The following MMS22L variants were observed in gnomAD, a reference collection of about 807,000 sequenced individuals.
MMS22L encodes the protein MMS22 like, DNA repair protein.
MMS22L carries 74 observed loss-of-function variants against 159.1 expected under a neutral mutation model. The observed-to-expected ratio is 0.47, with a 90% CI of 0.39 to 0.56. The LOEUF is 0.56. Ranked by LOEUF, MMS22L falls within the 20% of genes least tolerant of loss-of-function variation. The pLI, the probability that MMS22L is intolerant of heterozygous loss-of-function variation, is 0.00. For synonymous variants in MMS22L, 517 were observed against 506.9 expected (o/e 1.02, Z -0.27); for missense variants, 1,351 against 1,422.1 (o/e 0.95, Z 0.80).
intron 14 of MMS22L, among the ~76,000 whole-genome samples, chr6:97,200,047 ACT>A (rs1439815190): frequency 1.3e-5 from 2 of 151,784 alleles, no homozygotes; most frequent in Non-Finnish European, 2.9e-5. Flanking sequence ...TGATCTCCTC[ACT>A]CTGTGCCTCT....
chr6:97,216,607 C>T (rs1037126419), intron 14 of MMS22L, among the ~76,000 whole-genome samples: 4 of 152,124 alleles, frequency 2.6e-5, no homozygotes, highest in African/African-American at 4.8e-5. Context: ...TGGGATTTAC[C>T]AGTCTTCAAT....
intron 10 of MMS22L, among the ~76,000 whole-genome samples, chr6:97,247,035 T>TA (rs1262021648): frequency 4.0e-5 from 6 of 151,288 alleles, no homozygotes; most frequent in Non-Finnish European, 8.8e-5. Context: ...GTTTGTTTTT[T>TA]TTTTTATGCT....
chr6:97,214,440 A>C (rs1808748764), intron 14 of MMS22L, among the ~76,000 whole-genome samples: 1 of 152,208 alleles, frequency 6.6e-6, no homozygotes, highest in South Asian at 2.1e-4. Context: ...ACAGCATTTA[A>C]TCTTATTTTT....
intron 6 of MMS22L, chr6:97,270,220 TGGGGC>T (rs1815580256): frequency 3.3e-6 from 2 of 608,064 alleles, no homozygotes; most frequent in Non-Finnish European, 6.0e-6. Flanking sequence ...AAACCCACCT[TGGGGC>T]TGCTGAATAG....
At chr6:97,220,422 T>C (rs375586676) in intron 14 of MMS22L, among the ~76,000 whole-genome samples, 1 of 152,152 alleles carries the variant, frequency 6.6e-6, no homozygotes, top group African/African-American at 2.4e-5. Flanking sequence ...AAAACAACTA[T>C]GAATATACTA....
intron 23 of MMS22L, among the ~76,000 whole-genome samples, chr6:97,150,304 C>A (rs760042311): frequency 6.6e-6 from 1 of 151,872 alleles, no homozygotes; most frequent in Non-Finnish European, 1.5e-5. Context: ...AATCTAATCC[C>A]GGGACTTTTT....
intron 14 of MMS22L, among the ~76,000 whole-genome samples, chr6:97,225,800 T>TGACCTCGTGATCCGCC (rs1810184149): frequency 6.6e-6 from 1 of 152,176 alleles, no homozygotes; most frequent in Non-Finnish European, 1.5e-5. Flanking sequence ...TCTCATCTCC[T>TGACCTCGTGATCCGCC]GACCTCGTGA....
At chr6:97,271,488 C>T (rs1815730084) in intron 6 of MMS22L, 1 of 152,150 alleles carries the variant, frequency 6.6e-6, no homozygotes, top group Non-Finnish European at 1.5e-5. Flanking sequence ...CCTCCCTCAA[C>T]AATCTACTCA....
intron 14 of MMS22L, among the ~76,000 whole-genome samples, chr6:97,220,483 A>T (rs191778112): frequency 2.9e-4 from 44 of 152,294 alleles, no homozygotes; most frequent in Middle Eastern, 3.4e-3. Flanking sequence ...AAAGCTAGCA[A>T]ACTCTATGAT....
intron 12 of MMS22L, among the ~76,000 whole-genome samples, chr6:97,232,640 C>T (rs1295820137): frequency 6.6e-6 from 1 of 152,012 alleles, no homozygotes; most frequent in Non-Finnish European, 1.5e-5. Flanking sequence ...GATACCTTTC[C>T]TGCTTTCTGG....
At chr6:97,154,732 T>A (rs187397909) in intron 22 of MMS22L, among the ~76,000 whole-genome samples, 70 of 152,316 alleles carry the variant, frequency 4.6e-4, no homozygotes, top group African/African-American at 1.6e-3. Context: ...GTCTTGGCAC[T>A]CTTGTCAACA....
chr6:97,169,734 G>T (rs1353482907), intron 19 of MMS22L, among the ~76,000 whole-genome samples: 1 of 152,144 alleles, frequency 6.6e-6, no homozygotes, highest in Non-Finnish European at 1.5e-5. Flanking sequence ...AGCAATATTA[G>T]AAGAACTTAT....
chr6:97,179,720 C>G (rs745433136), intron 16 of MMS22L, among the ~76,000 whole-genome samples, 161 bp from the exon 17 acceptor site: 1 of 152,172 alleles, frequency 6.6e-6, no homozygotes, highest in Non-Finnish European at 1.5e-5. Flanking sequence ...AAAATGAATA[C>G]TACAGATAAA....
chr6:97,195,000 A>C (rs775504529), intron 14 of MMS22L, among the ~76,000 whole-genome samples: 2 of 152,228 alleles, frequency 1.3e-5, no homozygotes, highest in Non-Finnish European at 2.9e-5. Context: ...CAACCATGTA[A>C]TACCTGAACT....
intron 7 of MMS22L, among the ~76,000 whole-genome samples, chr6:97,269,425 GATATATTTCT>G (rs1325378109): frequency 6.6e-6 from 1 of 152,036 alleles, no homozygotes; most frequent in African/African-American, 2.4e-5. Flanking sequence ...GCAGATTAAA[GATATATTTCT>G]ATACACAAGG....
At chr6:97,245,195 T>C (rs1812499271) in intron 11 of MMS22L, among the ~76,000 whole-genome samples, 1 of 151,988 alleles carries the variant, frequency 6.6e-6, no homozygotes, top group African/African-American at 2.4e-5. Context: ...ACCAGCTGAG[T>C]GCAAAACCAT....
At chr6:97,198,969 T>C (rs1290043484) in intron 14 of MMS22L, among the ~76,000 whole-genome samples, 2 of 152,096 alleles carry the variant, frequency 1.3e-5, no homozygotes, top group Non-Finnish European at 2.9e-5. Context: ...TAAGGTATTA[T>C]GTTTATGAAC....
At chr6:97,172,468 C>T (rs959159577) in intron 19 of MMS22L, among the ~76,000 whole-genome samples, 7 of 151,600 alleles carry the variant, frequency 4.6e-5, no homozygotes, top group African/African-American at 1.7e-4. Flanking sequence ...TACCTTTATC[C>T]AATTCCTAGT....
chr6:97,191,339 C>T (rs527407373), intron 14 of MMS22L, among the ~76,000 whole-genome samples: 1 of 152,278 alleles, frequency 6.6e-6, no homozygotes, highest in East Asian at 1.9e-4. Flanking sequence ...TCTTGGCATA[C>T]CATTGTTTCT....
Sources: gnomAD v4.1 joint callset for allele counts (sites outside exome capture counted in the v4.1 genomes callset) on GRCh38, gnomAD v4.1.1 for gene constraint, MANE v1.5 for transcripts, NCBI Gene and HGNC (gene_info 2026-07-23, HGNC 2026-07-21) for gene names.